SEC24A: variants seen among roughly 807,000 people sequenced by gnomAD.
The protein encoded by SEC24A is SEC24 homolog A, COPII component.
A neutral mutation model predicts 129.4 loss-of-function variants in SEC24A; 93 were observed. The ratio of observed to expected loss-of-function variants is 0.72; its 90% CI spans 0.61 to 0.85. The LOEUF is 0.85. Ranked by LOEUF, SEC24A falls within the 40% of genes least tolerant of loss-of-function variation. SEC24A has a pLI of 0.00. For missense variants in SEC24A, 1,264 were observed against 1,307.4 expected (o/e 0.97, Z 0.51); for synonymous variants, 460 against 467.3 (o/e 0.98, Z 0.20).
At chr5:134,649,923 C>A (rs1749991108) in intron 1 of SEC24A, among the ~76,000 whole-genome samples, 1 of 152,278 alleles carries the variant, frequency 6.6e-6, no homozygotes, top group Middle Eastern at 3.4e-3. Context: ...TCAGTTGTTA[C>A]AATAGACAAA....
chr5:134,683,453 C>T (rs1751343144), intron 9 of SEC24A, among the ~76,000 whole-genome samples: 1 of 152,064 alleles, frequency 6.6e-6, no homozygotes, highest in African/African-American at 2.4e-5. Flanking sequence ...TTTTCTACAC[C>T]CGTGAGAATA....
chr5:134,721,648 G>GATC (rs1752631137), intron 21 of SEC24A, among the ~76,000 whole-genome samples: 1 of 151,774 alleles, frequency 6.6e-6, no homozygotes, highest in African/African-American at 2.4e-5. Context: ...GAGGTGGGAG[G>GATC]ATCACTTGAG....
At chr5:134,662,178 G>A (rs927533004) in intron 2 of SEC24A, among the ~76,000 whole-genome samples, 8 of 151,180 alleles carry the variant, frequency 5.3e-5, no homozygotes, top group East Asian at 1.9e-4. Context: ...TTTTTGAGAC[G>A]GAGTCTCTCT....
chr5:134,688,598 G>A (rs919587952), intron 11 of SEC24A, among the ~76,000 whole-genome samples: 11 of 152,064 alleles, frequency 7.2e-5, no homozygotes, highest in African/African-American at 2.7e-4. Context: ...AGTATTTGAG[G>A]ATAGACATAT....
intron 15 of SEC24A, among the ~76,000 whole-genome samples, chr5:134,698,589 C>T (rs1227664172): frequency 2.9e-5 from 4 of 136,478 alleles, no homozygotes; most frequent in Non-Finnish European, 6.2e-5. Flanking sequence ...GCCTGGGCAA[C>T]ACTGTCTCCA....
chr5:134,688,117 A>T (rs1751510349), intron 10 of SEC24A, 64 bp from the exon 11 acceptor site: 1 of 893,806 alleles, frequency 1.1e-6, no homozygotes, highest in Admixed American at 1.8e-5. Context: ...CTCTTAGGAC[A>T]TATTTTATGT....
At chr5:134,689,971 T>C (rs1751583892) in intron 11 of SEC24A, among the ~76,000 whole-genome samples, 1 of 151,596 alleles carries the variant, frequency 6.6e-6, no homozygotes, top group Non-Finnish European at 1.5e-5. Context: ...GGAATAGAGG[T>C]TACCAGGGGC....
intron 21 of SEC24A, among the ~76,000 whole-genome samples, chr5:134,721,663 G>A (rs1580745156): frequency 6.6e-6 from 1 of 151,846 alleles, no homozygotes; most frequent in African/African-American, 2.4e-5. Flanking sequence ...CTTGAGCCCT[G>A]GAGTTTGAGA....
At chr5:134,704,536 G>A (rs1187512476) in intron 16 of SEC24A, among the ~76,000 whole-genome samples, 1 of 152,136 alleles carries the variant, frequency 6.6e-6, no homozygotes, top group Non-Finnish European at 1.5e-5. Context: ...GTCAGGTGTG[G>A]TGGTCTGTAA....
chr5:134,653,192 G>A (rs967674471), intron 1 of SEC24A, among the ~76,000 whole-genome samples: 7 of 152,072 alleles, frequency 4.6e-5, no homozygotes, highest in African/African-American at 1.7e-4. Flanking sequence ...TCCTGCCTCA[G>A]CCTCCCAAAG....
intron 13 of SEC24A, among the ~76,000 whole-genome samples, chr5:134,695,843 A>C (rs1053077682): frequency 6.6e-6 from 1 of 151,132 alleles, no homozygotes; most frequent in Admixed American, 6.6e-5. Flanking sequence ...AGTCCCAGCT[A>C]CTTGGGAGGC....
At chr5:134,718,827 G>A (rs1431394182) in intron 20 of SEC24A, among the ~76,000 whole-genome samples, 3 of 151,838 alleles carry the variant, frequency 2.0e-5, no homozygotes, top group South Asian at 2.1e-4. Context: ...GAAATTAACC[G>A]AGCGTGGTGG....
At chr5:134,699,301 C>CGTTT (rs1429369613) in intron 15 of SEC24A, among the ~76,000 whole-genome samples, 1 of 138,372 alleles carries the variant, frequency 7.2e-6, no homozygotes, top group African/African-American at 2.8e-5. Context: ...CCATTTTATC[C>CGTTT]TTTTTTTTTT....
intron 16 of SEC24A, among the ~76,000 whole-genome samples, chr5:134,704,999 A>G (rs562897398): frequency 6.7e-6 from 1 of 150,140 alleles, no homozygotes; most frequent in Non-Finnish European, 1.5e-5. Flanking sequence ...AAAACGTTTG[A>G]TACTGTCTCT....
intron 9 of SEC24A, among the ~76,000 whole-genome samples, chr5:134,683,733 G>T (rs1230861198): frequency 6.6e-6 from 1 of 152,128 alleles, no homozygotes; most frequent in Non-Finnish European, 1.5e-5. Flanking sequence ...TAGGCTGCTT[G>T]TGAATGCCTA....
At chr5:134,713,404 G>A (rs1296369167) in intron 18 of SEC24A, among the ~76,000 whole-genome samples, 1 of 151,826 alleles carries the variant, frequency 6.6e-6, no homozygotes, top group African/African-American at 2.4e-5. Context: ...CTTACCTCCT[G>A]TATTTTTCCT....
chr5:134,674,801 C>A, intron 5 of SEC24A, 26 bp downstream of exon 5: 2 of 1,603,096 alleles, frequency 1.2e-6, no homozygotes, highest in Non-Finnish European at 1.7e-6. Flanking sequence ...TTTTCTTTAA[C>A]CTATTTCTCC....
In SEC24A at chr5:134,667,523, C is replaced by T. The variant is rs144401354; in HGVS notation, c.739+527C>T. Among the ~76,000 whole-genome samples the T allele has an allele frequency of 2.2e-3, 337 of 151,658 alleles. 2 individuals are homozygous for T. Among genetic ancestry groups the T allele is most frequent in the African/African-American group, 7.8e-3 (322 of 41,322 alleles). On this transcript the variant is annotated intron_variant, in intron 3 of 22. Transcript: ENST00000398844. Reference sequence around the variant, plus strand: ...AAAATTAGCCAGGCGTGGTGGCAAGCGACTGTAGTAGTCACAGCTACTCTG... The same window carrying T: ...AAAATTAGCCAGGCGTGGTGGCAAGTGACTGTAGTAGTCACAGCTACTCTG...
In SEC24A at chr5:134,723,594, G is replaced by C; in HGVS notation, c.3091G>C (p.Glu1031Gln). The C allele has an allele frequency of 6.2e-7, 1 of 1,613,090 alleles. No individual in the cohort carries two copies. Among genetic ancestry groups the C allele is most frequent in the Non-Finnish European group, 8.5e-7 (1 of 1,179,170 alleles). Residue 1031 changes from glutamate to glutamine, a missense_variant, in exon 22 of 23, where the codon GAA (glutamate) becomes CAA (glutamine). Transcript: ENST00000398844. ...AGACCTTCCAGAACTTGATACACCAGAATCTGCCAGAATAATAGCTTTCAT... is the reference window on the plus strand; with the variant it reads ...AGACCTTCCAGAACTTGATACACCACAATCTGCCAGAATAATAGCTTTCAT... ...MTDLPELDTPESARIIAFISW... is the reference protein window; with the variant it reads ...MTDLPELDTPQSARIIAFISW...
Sources: allele counts gnomAD v4.1 joint callset (sites outside exome capture counted in the v4.1 genomes callset), GRCh38; gene constraint gnomAD v4.1.1; transcripts MANE v1.5; gene names NCBI Gene and HGNC (gene_info 2026-07-23, HGNC 2026-07-21).